Variants in PTPRT observed in about 807,000 individuals in gnomAD.
PTPRT encodes the protein receptor-type tyrosine-protein phosphatase T.
Under a neutral mutation model 176.8 loss-of-function variants are expected in PTPRT, and 56 were observed. The ratio of observed to expected loss-of-function variants is 0.32; its 90% confidence interval spans 0.26 to 0.40. The LOEUF is 0.40. Ranked by LOEUF, PTPRT falls within the 10% of genes least tolerant of loss-of-function variation. The probability of loss-of-function intolerance (pLI) is 1.00; values close to 1 mark genes in which losing one functional copy is unlikely to be tolerated. For synonymous variants in PTPRT, 783 were observed against 739.0 expected (o/e 1.06, Z -0.96); for missense variants, 1,540 against 1,908.2 (o/e 0.81, Z 3.60).
chr20:42,587,658 G>T (rs760284468), intron 7 of PTPRT, among the ~76,000 whole-genome samples: 1 of 152,202 alleles, frequency 6.6e-6, no homozygotes, highest in Non-Finnish European at 1.5e-5. Context: ...CCCAGACTCA[G>T]CCCTCACCTT....
At chr20:42,472,227 A>G in intron 8 of PTPRT, 39 bp downstream of exon 8, 1 of 1,589,750 alleles carries the variant, frequency 6.3e-7, no homozygotes, top group Non-Finnish European at 8.6e-7. Context: ...AATAGATTCA[A>G]TATCCCCATT....
At chr20:43,184,933 A>G (rs1324332658) in intron 1 of PTPRT, among the ~76,000 whole-genome samples, 4 of 152,232 alleles carry the variant, frequency 2.6e-5, no homozygotes, top group Non-Finnish European at 5.9e-5. Flanking sequence ...AAAAGTGTCC[A>G]GCAGGACCAT....
At chr20:42,513,306 T>C (rs905230298) in intron 7 of PTPRT, among the ~76,000 whole-genome samples, 7 of 151,912 alleles carry the variant, frequency 4.6e-5, no homozygotes, top group Admixed American at 3.9e-4. Flanking sequence ...TTGTTTTTCT[T>C]AATTTTGTTA....
At chr20:42,477,801 T>C (rs1237112097) in intron 7 of PTPRT, among the ~76,000 whole-genome samples, 2 of 151,822 alleles carry the variant, frequency 1.3e-5, no homozygotes, top group Admixed American at 6.6e-5. Flanking sequence ...CATCCTCTGA[T>C]AGAAAATCAA....
intron 1 of PTPRT, among the ~76,000 whole-genome samples, chr20:43,056,927 CCTTTT>C (rs1321497314): frequency 2.0e-5 from 3 of 152,010 alleles, no homozygotes; most frequent in African/African-American, 7.2e-5. Context: ...ATTCCTGCTT[CCTTTT>C]ATCTTAAAAG....
intron 21 of PTPRT, among the ~76,000 whole-genome samples, chr20:42,115,684 G>A (rs943853037): frequency 6.6e-6 from 1 of 152,240 alleles, no homozygotes; most frequent in Non-Finnish European, 1.5e-5. Flanking sequence ...TTGGTGACTT[G>A]TCCAAGGCCA....
chr20:42,678,270 G>A (rs2075543695), intron 6 of PTPRT, 111 bp from the exon 7 acceptor site: 1 of 959,718 alleles, frequency 1.0e-6, no homozygotes, highest in African/African-American at 1.7e-5. Flanking sequence ...AAAAAAAATA[G>A]TCAGAAACCC....
At chr20:42,620,597 C>T (rs183690388) in intron 7 of PTPRT, among the ~76,000 whole-genome samples, 5 of 152,184 alleles carry the variant, frequency 3.3e-5, no homozygotes, top group Admixed American at 2.0e-4. Context: ...AGCGAGATTC[C>T]GTGGGCGTAG....
rs2145522000 is a variant in PTPRT at position 42,352,080 on chromosome 20, A to G, written c.1762+4T>C. 8 of 1,612,870 alleles carry G rather than the reference A, an allele frequency of 5.0e-6. No individual in the cohort carries two copies. Among genetic ancestry groups the G allele is most frequent in the Non-Finnish European group, 6.8e-6 (8 of 1,179,014 alleles). The stretch of plus-strand genomic sequence containing the variant: ...TTTTCCTTTTTCCTTTCTAGCAGAG[A>G]TACCTGAAATTTTGGTGGCAATCCG... On this transcript the variant is annotated splice_donor_region_variant and intron_variant, in intron 10 of 30. Coordinates refer to ENST00000373187, the MANE Select transcript of PTPRT (RefSeq NM_007050.6).
rs1487960383 is a variant in PTPRT, at chr20:42,885,951, T to C, written c.89-19A>G. 8.2e-6 allele frequency: 13 copies of C among 1,593,408 alleles called. No homozygotes were observed. The East Asian group carries it at 2.7e-4, about 33-fold the overall frequency. ...CAGCCACCTGTAGACAAAAGAGATA[T>C]GGGTAAATACATTCCCGTGTCTGAG... On this transcript the variant is annotated intron_variant, in intron 1 of 30. Transcript: ENST00000373187.
intron 26 of PTPRT, 111 bp downstream of exon 26, chr20:42,102,012 CA>C (rs1985986158): frequency 1.2e-5 from 15 of 1,290,124 alleles, no homozygotes; most frequent in South Asian, 4.3e-5. Flanking sequence ...AGATCAGAAG[CA>C]GGGGGGGCTG....
chr20:42,413,637 T>C (rs34985646), intron 9 of PTPRT, among the ~76,000 whole-genome samples: 25,532 of 152,170 alleles, frequency 0.17, 2,397 homozygotes, highest in African/African-American at 0.25. Context: ...AAAATGTGCA[T>C]TCATGCATTA....
intron 1 of PTPRT, among the ~76,000 whole-genome samples, chr20:43,075,060 A>C (rs1568769458): frequency 6.6e-6 from 1 of 152,186 alleles, no homozygotes; most frequent in East Asian, 1.9e-4. Flanking sequence ...GCAGAACATA[A>C]ACATCCAGCC....
chr20:42,276,540 TA>T (rs1568731787), intron 13 of PTPRT, among the ~76,000 whole-genome samples: 28 of 54,708 alleles, frequency 5.1e-4, no homozygotes, highest in East Asian at 3.2e-3. Flanking sequence ...TATATATATA[TA>T]TATATATATA....
At chr20:43,184,545 G>C (rs917212696) in intron 1 of PTPRT, among the ~76,000 whole-genome samples, 3 of 152,026 alleles carry the variant, frequency 2.0e-5, no homozygotes, top group Non-Finnish European at 4.4e-5. Flanking sequence ...AAATTACCTG[G>C]GCATGGTGGC....
chr20:42,872,562 GA>G (rs2078863536), intron 2 of PTPRT, among the ~76,000 whole-genome samples: 1 of 152,200 alleles, frequency 6.6e-6, no homozygotes, highest in South Asian at 2.1e-4. Flanking sequence ...CAGACGAATG[GA>G]GGGGTTAGGA....
At chr20:43,181,542 A>G (rs1215431427) in intron 1 of PTPRT, among the ~76,000 whole-genome samples, 2 of 152,352 alleles carry the variant, frequency 1.3e-5, no homozygotes, top group South Asian at 2.1e-4. Context: ...ACTGAAACAC[A>G]TAATATGGCA....
intron 12 of PTPRT, among the ~76,000 whole-genome samples, chr20:42,299,929 G>A (rs2057437773): frequency 6.6e-6 from 1 of 151,382 alleles, no homozygotes; most frequent in Non-Finnish European, 1.5e-5. Context: ...TTACAGGCGT[G>A]AGCCACCGCA....
At chr20:42,186,870 C>G (rs1215210773) in intron 16 of PTPRT, among the ~76,000 whole-genome samples, 2 of 151,928 alleles carry the variant, frequency 1.3e-5, no homozygotes, top group East Asian at 3.9e-4. Flanking sequence ...CTAGATATAT[C>G]GAAGATGTAG....
Sources: gnomAD v4.1 joint callset for allele counts (sites outside exome capture counted in the v4.1 genomes callset) on GRCh38, gnomAD v4.1.1 for gene constraint, MANE v1.5 for transcripts, NCBI Gene and HGNC (gene_info 2026-07-23, HGNC 2026-07-21) for gene names.